The following ZNF331 variants were observed in gnomAD, a reference collection of about 807,000 sequenced individuals.
ZNF331 encodes the protein C2H2-like zinc finger protein rearranged in thyroid adenomas.
In ZNF331, 2 loss-of-function variants were observed where a neutral mutation model predicts 7.0. That is an observed-to-expected ratio of 0.29 (90% confidence interval 0.12 to 0.90). The LOEUF (loss-of-function observed/expected upper bound fraction) is 0.90, where lower values mean the gene tolerates loss of function less well. Among genes scored for constraint, ZNF331 ranks in the 40% least tolerant of loss-of-function variants. ZNF331 has a pLI of 0.58. For missense variants in ZNF331, 432 were observed against 587.7 expected, an observed-to-expected ratio of 0.74 and a Z score of 2.74; for synonymous variants, 196 against 205.4, an observed-to-expected ratio of 0.95 and a Z score of 0.39.
At chr19:53,503,654 A>G in the ZNF331 span, 2 of 704,848 alleles carry the variant, frequency 2.8e-6, no homozygotes, top group East Asian at 5.3e-5. Flanking sequence ...TTGTGTCCAC[A>G]GAGTTGTCAG....
intron 3 of ZNF331, among the ~76,000 whole-genome samples, chr19:53,568,101 T>G (rs1349969464): frequency 6.6e-6 from 1 of 151,820 alleles, no homozygotes; most frequent in Non-Finnish European, 1.5e-5. Flanking sequence ...ATACAAAAAT[T>G]AGCTGGACAT....
At chr19:53,509,637 C>G in the ZNF331 span, among the ~76,000 whole-genome samples, 1 of 152,188 alleles carries the variant, frequency 6.6e-6, no homozygotes, top group Admixed American at 6.5e-5. Flanking sequence ...TAGCAGGACA[C>G]AGGTTCAGCA....
intron 2 of ZNF331, among the ~76,000 whole-genome samples, chr19:53,551,449 T>C (rs1600341489): frequency 6.6e-6 from 1 of 152,230 alleles, no homozygotes; most frequent in East Asian, 1.9e-4. Flanking sequence ...GGTCACGTTA[T>C]ACCTGTGAGC....
chr19:53,569,066 C>T (rs556370463), intron 3 of ZNF331, among the ~76,000 whole-genome samples: 33 of 152,084 alleles, frequency 2.2e-4, no homozygotes, highest in African/African-American at 8.0e-4. Context: ...CCGTGTTAGC[C>T]AAGATGGTCT....
intron 2 of ZNF331, among the ~76,000 whole-genome samples, chr19:53,552,064 A>T (rs2089046165): frequency 3.3e-5 from 5 of 152,152 alleles, no homozygotes; most frequent in Admixed American, 3.3e-4. Context: ...ACAAGTAAAA[A>T]ATACCCACTA....
At chr19:53,505,996 G>T in the ZNF331 span, among the ~76,000 whole-genome samples, 1 of 150,424 alleles carries the variant, frequency 6.6e-6, no homozygotes, top group Non-Finnish European at 1.5e-5. Flanking sequence ...AAAAGAAAAA[G>T]AAAAGAAAAA....
At chr19:53,527,367 G>A (rs1249861237) in intron 2 of ZNF331, among the ~76,000 whole-genome samples, 1 of 152,106 alleles carries the variant, frequency 6.6e-6, no homozygotes, top group East Asian at 1.9e-4. Context: ...CATGAATGCA[G>A]GAATATGTGA....
intron 3 of ZNF331, among the ~76,000 whole-genome samples, chr19:53,556,220 G>GTGA: frequency 6.9e-6 from 1 of 144,362 alleles, no homozygotes; most frequent in South Asian, 2.2e-4. Flanking sequence ...TCCAGCCTGG[G>GTGA]CAACACAGCG....
chr19:53,510,436 T>C, the ZNF331 span, among the ~76,000 whole-genome samples: 1 of 150,272 alleles, frequency 6.7e-6, no homozygotes, highest in Non-Finnish European at 1.5e-5. Flanking sequence ...TTGAACTTTT[T>C]TTTTTTTTTT....
chr19:53,556,632 T>A (rs919446132), intron 3 of ZNF331, among the ~76,000 whole-genome samples: 2 of 151,734 alleles, frequency 1.3e-5, no homozygotes, highest in African/African-American at 4.8e-5. Flanking sequence ...GCCTTTTTTA[T>A]TGTTTTTGTT....
upstream of ZNF331, among the ~76,000 whole-genome samples, chr19:53,533,981 TA>T (rs1305867547): frequency 6.6e-6 from 1 of 151,990 alleles, no homozygotes; most frequent in Non-Finnish European, 1.5e-5. Flanking sequence ...ACTCCTACAA[TA>T]AAGTAAGCTA....
At chr19:53,535,687 C>G (rs1330214189), upstream of ZNF331, among the ~76,000 whole-genome samples, 2 of 151,758 alleles carry the variant, frequency 1.3e-5, no homozygotes, top group Admixed American at 1.3e-4. Context: ...GGATACCTTA[C>G]AAATATGGAC....
chr19:53,537,301 A>G (rs944181204), upstream of ZNF331: 2 of 152,260 alleles, frequency 1.3e-5, no homozygotes, highest in African/African-American at 2.4e-5. Flanking sequence ...CATAACTGCT[A>G]CCTGTACATT....
chr19:53,529,861 A>G (rs1379861191), intron 2 of ZNF331, among the ~76,000 whole-genome samples: 1 of 152,156 alleles, frequency 6.6e-6, no homozygotes, highest in Non-Finnish European at 1.5e-5. Flanking sequence ...GTGATCACGG[A>G]CTGTGGGGAA....
chr19:53,532,550 A>C (rs1201702600), intron 2 of ZNF331, among the ~76,000 whole-genome samples: 1 of 152,150 alleles, frequency 6.6e-6, no homozygotes, highest in African/African-American at 2.4e-5. Flanking sequence ...TACTGCAGCA[A>C]CTTGGGAGCA....
intron 3 of ZNF331, 61 bp from the exon 4 acceptor site, chr19:53,569,243 A>G: frequency 1.1e-6 from 1 of 871,620 alleles, no homozygotes; most frequent in Non-Finnish European, 1.9e-6. Context: ...AAAAGGTCAT[A>G]TTACATCACT....
chr19:53,506,434 C>A, the ZNF331 span, among the ~76,000 whole-genome samples: 1 of 73,164 alleles, frequency 1.4e-5, no homozygotes, highest in Admixed American at 1.3e-4. Flanking sequence ...CTCTCTCTCT[C>A]TCTCTCTCTG....
chr19:53,504,895 A>G, the ZNF331 span, among the ~76,000 whole-genome samples: 4 of 152,266 alleles, frequency 2.6e-5, no homozygotes, highest in East Asian at 5.8e-4. Context: ...AAATTCTCTC[A>G]CCCAAACTGG....
upstream of ZNF331, chr19:53,536,473 C>A (rs2087752953): frequency 6.6e-6 from 1 of 152,134 alleles, no homozygotes; most frequent in African/African-American, 2.4e-5. Context: ...TACCCTTTTC[C>A]CTTGTTGATT....
Sources: gnomAD v4.1 joint callset for allele counts (sites outside exome capture counted in the v4.1 genomes callset) on GRCh38, gnomAD v4.1.1 for gene constraint, MANE v1.5 for transcripts, NCBI Gene and HGNC (gene_info 2026-07-23, HGNC 2026-07-21) for gene names.